Variants in GRXCR1 observed in about 807,000 individuals in gnomAD.
The protein encoded by GRXCR1 is glutaredoxin and cysteine rich domain containing 1.
GRXCR1 carries 27 observed loss-of-function variants against 27.3 expected under a neutral mutation model. The ratio of observed to expected loss-of-function variants is 0.99; its 90% CI spans 0.73 to 1.37. The LOEUF (loss-of-function observed/expected upper bound fraction) is 1.37. GRXCR1 is among the 40% of genes most tolerant of loss of function. The probability of loss-of-function intolerance (pLI) is 0.00; values close to 1 mark genes in which losing one functional copy is unlikely to be tolerated. For missense variants in GRXCR1, 379 were observed against 354.4 expected (o/e 1.07, Z -0.56); for synonymous variants, 122 against 131.1 (o/e 0.93, Z 0.47).
At position 42,901,112 on chromosome 4, in the gene GRXCR1, A is replaced by G. The variant is rs140402094; in HGVS notation, c.384+7462A>G. On this transcript the variant is annotated intron_variant, in intron 1 of 3. Transcript: ENST00000399770. Reference sequence around the variant, plus strand: ...CCCAAGACTCATGATTTCTCCCAGAAATCAAGAACATGGTCATTGGCATCC... The same window carrying G: ...CCCAAGACTCATGATTTCTCCCAGAGATCAAGAACATGGTCATTGGCATCC... 3.5e-3 allele frequency among the ~76,000 whole-genome samples: 533 copies of G among 152,278 alleles called. 4 individuals are homozygous for G. The highest frequency in any genetic ancestry group is 0.016 in the South Asian group (77 of 4,828).
At chr4:43,015,981 T>C (rs1191323946) in intron 2 of GRXCR1, among the ~76,000 whole-genome samples, 1 of 152,150 alleles carries the variant, frequency 6.6e-6, no homozygotes, top group Non-Finnish European at 1.5e-5. Flanking sequence ...CTAAAATCTG[T>C]GTGGCTTTAA....
In GRXCR1 at chr4:42,893,266, C is replaced by T. The variant is rs777282576; in HGVS notation, c.-1C>T. ...AACTGTTCATATGGGTGGAGGTGAC[C>T]ATGCTTAAAAGGGAGATGAAGCCAG... On this transcript the variant is annotated 5_prime_UTR_variant, in exon 1 of 4. Coordinates refer to ENST00000399770, the MANE Select transcript of GRXCR1 (RefSeq NM_001080476.3). 5.6e-6 allele frequency: 9 copies of T among 1,613,318 alleles called. No homozygotes were observed. The highest frequency in any genetic ancestry group is 1.7e-5 in the Admixed American group (1 of 59,914).
At chr4:43,007,053 A>G (rs187619857) in intron 2 of GRXCR1, among the ~76,000 whole-genome samples, 2 of 152,300 alleles carry the variant, frequency 1.3e-5, no homozygotes, top group East Asian at 3.9e-4. Flanking sequence ...GTAAATAAAT[A>G]TGCACTCCAT....
chr4:42,999,054 C>T (rs2109795294), intron 2 of GRXCR1, among the ~76,000 whole-genome samples: 1 of 152,216 alleles, frequency 6.6e-6, no homozygotes, highest in South Asian at 2.1e-4. Flanking sequence ...GGTCCCTGAC[C>T]ACTTAGGATA....
intron 2 of GRXCR1, among the ~76,000 whole-genome samples, chr4:43,001,094 T>C (rs971325085): frequency 7.3e-5 from 11 of 151,404 alleles, no homozygotes; most frequent in African/African-American, 2.7e-4. Context: ...GCCCAGCTAA[T>C]TTTTGTATTT....
At chr4:42,987,241 A>ATATTATATATATAAT (rs1276367661) in intron 2 of GRXCR1, among the ~76,000 whole-genome samples, 1 of 66,466 alleles carries the variant, frequency 1.5e-5, no homozygotes, top group Non-Finnish European at 3.1e-5. Context: ...ATATATATAT[A>ATATTATATATATAAT]ATATATAATA....
At chr4:43,024,912 G>A (rs183486044) in intron 3 of GRXCR1, among the ~76,000 whole-genome samples, 1 of 152,150 alleles carries the variant, frequency 6.6e-6, no homozygotes, top group African/African-American at 2.4e-5. Flanking sequence ...GGATAATGAG[G>A]TGTATTGTCA....
At chr4:43,021,297 C>G (rs2109807591) in intron 3 of GRXCR1, among the ~76,000 whole-genome samples, 1 of 152,218 alleles carries the variant, frequency 6.6e-6, no homozygotes, top group Non-Finnish European at 1.5e-5. Flanking sequence ...TTTCCCTCCA[C>G]CATTTTCAAG....
chr4:42,900,940 G>C (rs1237598139), intron 1 of GRXCR1, among the ~76,000 whole-genome samples: 2 of 152,156 alleles, frequency 1.3e-5, no homozygotes, highest in Non-Finnish European at 2.9e-5. Context: ...TGAAGAGCCA[G>C]GTTCACATGC....
chr4:43,011,640 C>T (rs1430574268), intron 2 of GRXCR1, among the ~76,000 whole-genome samples: 1 of 152,104 alleles, frequency 6.6e-6, no homozygotes, highest in African/African-American at 2.4e-5. Flanking sequence ...GGTATGCACT[C>T]TGTTTTCTGC....
intron 2 of GRXCR1, among the ~76,000 whole-genome samples, chr4:42,984,507 C>A (rs1020931884): frequency 4.6e-5 from 7 of 152,180 alleles, no homozygotes; most frequent in African/African-American, 1.7e-4. Context: ...AAAGTAGATA[C>A]CTATTCTAGT....
intron 2 of GRXCR1, among the ~76,000 whole-genome samples, chr4:42,984,456 C>A (rs949356254): frequency 6.6e-6 from 1 of 152,162 alleles, no homozygotes; most frequent in Non-Finnish European, 1.5e-5. Flanking sequence ...TCTGACTGTT[C>A]TTGATCCTTG....
At position 43,030,502 on chromosome 4, in the gene GRXCR1, G is replaced by A; in HGVS notation, c.835G>A (p.Glu279Lys). The change falls in exon 4 of 4, where the codon GAA (glutamate) becomes AAA (lysine). Residue 279 changes from glutamate (E) to lysine (K), a missense_variant. By Grantham distance (56) the Glu-to-Lys change is moderately conservative. Transcript: ENST00000399770. ...AGCCCTGAAGTGTACGGCTTGCAAT[G>A]AAAATGGTCTTCAGCGTTGTAAGAA... is the stretch of plus-strand genomic sequence containing the variant. ...FKALKCTACN[E>K]NGLQRCKNCA... 1 of 1,614,152 alleles carries A rather than the reference G, an allele frequency of 6.2e-7. No individual in the cohort carries two copies. Among genetic ancestry groups the A allele is most frequent in the Non-Finnish European group, 8.5e-7 (1 of 1,180,008 alleles).
rs565434008 is a variant in GRXCR1, at chr4:43,014,711, G to A, written c.628-5643G>A. On this transcript the variant is annotated intron_variant, in intron 2 of 3. Transcript: ENST00000399770. ...GCTTGGTCCCTACCACTTTACAAAG[G>A]TGCATTTTGATGTGCCTTGGCTTGT... 3.9e-5 allele frequency among the ~76,000 whole-genome samples: 6 copies of A among 152,234 alleles called. No homozygotes were observed. In the East Asian group the frequency reaches 1.2e-3, roughly 29 times the overall value.
rs1187202018 is a variant in GRXCR1, at chr4:42,912,652, A to T, written c.384+19002A>T. On this transcript the variant is annotated intron_variant, in intron 1 of 3. Coordinates refer to ENST00000399770, the MANE Select transcript of GRXCR1 (RefSeq NM_001080476.3). ...ATATTCATGTATGTGCAGAGATTGC[A>T]ACATTTTCTATACTTTGCCCTTATT... Among the ~76,000 whole-genome samples, 5 of 152,336 alleles carry T rather than the reference A, an allele frequency of 3.3e-5. No individual in the cohort carries two copies. In the East Asian group the frequency reaches 9.7e-4, roughly 29 times the overall value.
chr4:42,933,491 G>A (rs1362492863), intron 1 of GRXCR1, among the ~76,000 whole-genome samples: 2 of 151,940 alleles, frequency 1.3e-5, no homozygotes, highest in African/African-American at 4.8e-5. Flanking sequence ...GAAGTGAGAT[G>A]TTTGCCCTTT....
chr4:42,971,955 C>T (rs1748398387), intron 2 of GRXCR1, among the ~76,000 whole-genome samples: 1 of 152,072 alleles, frequency 6.6e-6, no homozygotes, highest in South Asian at 2.1e-4. Context: ...CTGGAGGGCA[C>T]TTACACAATC....
At chr4:42,965,101 T>C (rs1326142077) in intron 2 of GRXCR1, among the ~76,000 whole-genome samples, 3 of 152,158 alleles carry the variant, frequency 2.0e-5, no homozygotes, top group African/African-American at 7.2e-5. Context: ...TGAGACAATA[T>C]AAGAGGCTAT....
intron 2 of GRXCR1, among the ~76,000 whole-genome samples, chr4:43,000,843 A>G (rs375556756): frequency 1.3e-5 from 2 of 152,132 alleles, no homozygotes; most frequent in East Asian, 3.9e-4. Flanking sequence ...GGTGATGACT[A>G]TATTACCAAT....
Sources: gnomAD v4.1 joint callset for allele counts (sites outside exome capture counted in the v4.1 genomes callset) on GRCh38, gnomAD v4.1.1 for gene constraint, MANE v1.5 for transcripts, NCBI Gene and HGNC (gene_info 2026-07-23, HGNC 2026-07-21) for gene names.